Variants in OR4Q3 observed in about 807,000 individuals in gnomAD.
OR4Q3 encodes the protein olfactory receptor 4Q3.
OR4Q3 carries 17 observed loss-of-function variants against 18.8 expected under a neutral mutation model. The observed-to-expected ratio is 0.91, with a 90% confidence interval of 0.62 to 1.36. The LOEUF (loss-of-function observed/expected upper bound fraction) is 1.36, where lower values mean the gene tolerates loss of function less well. OR4Q3 is among the 40% of genes most tolerant of loss of function. The pLI is 0.00. For missense variants in OR4Q3, 378 were observed against 373.4 expected, an observed-to-expected ratio of 1.01 and a Z score of -0.10; for synonymous variants, 158 against 145.8, an observed-to-expected ratio of 1.08 and a Z score of -0.60.
In OR4Q3 at chr14:19,747,785, G is replaced by T; in HGVS notation, c.382G>T (p.Ala128Ser). The T allele has an allele frequency of 4.3e-5, 69 of 1,613,970 alleles. No homozygotes were observed. The African/African-American group carries it at 6.9e-4, about 16-fold the overall frequency. Residue 128 changes from alanine (A) to serine (S), a missense_variant, in exon 2 of 2, where the codon GCC becomes TCC. Transcript: ENST00000642117. ...TGAGATGTTTTTGCTGACAGTCATG[G>T]CCTATGACAGGTATGTTGCCATCTG...
intron 1 of OR4Q3, among the ~76,000 whole-genome samples, chr14:19,746,607 G>A: frequency 6.6e-5 from 10 of 152,124 alleles, no homozygotes; most frequent in East Asian, 1.9e-4. Flanking sequence ...CGAGTCTGAC[G>A]CTTCCCTAAA....
At chr14:19,745,763 T>C in intron 1 of OR4Q3, among the ~76,000 whole-genome samples, 1 of 152,228 alleles carries the variant, frequency 6.6e-6, no homozygotes, top group Admixed American at 6.5e-5. Flanking sequence ...ATTTTCAATA[T>C]AGCAGAGCTC....
chr14:19,748,361 C>T lies in OR4Q3; in HGVS notation c.958C>T (p.Pro320Ser). Residue 320 changes from proline to serine, a missense_variant, in exon 2 of 2, where the codon CCT becomes TCT. Transcript: ENST00000642117. ...GATAAAACCATGTGGCATTCCATTG[C>T]CTTGTTAAGGAATGAGCAGAAGAGG... The T allele has an allele frequency of 5.6e-6, 9 of 1,602,730 alleles. No individual in the cohort carries two copies. Among genetic ancestry groups the T allele is most frequent in the South Asian group, 1.1e-5 (1 of 89,890 alleles).
At chr14:19,751,493 T>G, downstream of OR4Q3, among the ~76,000 whole-genome samples, 1 of 152,080 alleles carries the variant, frequency 6.6e-6, no homozygotes, top group Admixed American at 6.6e-5. Flanking sequence ...AGAATTCAAC[T>G]GTGAATCCCT....
intron 1 of OR4Q3, among the ~76,000 whole-genome samples, chr14:19,745,494 T>A: frequency 2.6e-5 from 4 of 152,218 alleles, no homozygotes; most frequent in African/African-American, 9.6e-5. Flanking sequence ...ATTCTGAGAC[T>A]AAATTATAAC....
At chr14:19,743,753 G>T (rs1179932439) in intron 1 of OR4Q3, 82 bp downstream of exon 1, 2 of 152,094 alleles carry the variant, frequency 1.3e-5, no homozygotes, top group East Asian at 1.9e-4. Context: ...GTTTACTGTT[G>T]TCCTCACTCT....
At chr14:19,747,996 G>A in exon 2 of OR4Q3, 3 of 1,614,070 alleles carry the variant, frequency 1.9e-6, no homozygotes, top group African/African-American at 2.7e-5. Flanking sequence ...AAGCTGGCCT[G>A]CATGGACACC....
At chr14:19,744,576 A>G (rs1182795406) in intron 1 of OR4Q3, among the ~76,000 whole-genome samples, 9 of 152,166 alleles carry the variant, frequency 5.9e-5, no homozygotes, top group Non-Finnish European at 1.0e-4. Context: ...TCCAAGCAGG[A>G]CCCTTCCATG....
At chr14:19,750,185 A>G, downstream of OR4Q3, among the ~76,000 whole-genome samples, 1 of 152,064 alleles carries the variant, frequency 6.6e-6, no homozygotes, top group African/African-American at 2.4e-5. Flanking sequence ...GGGTTTCTCC[A>G]TGTTGGCCAG....
downstream of OR4Q3, among the ~76,000 whole-genome samples, chr14:19,751,885 G>C: frequency 6.6e-6 from 1 of 152,006 alleles, no homozygotes; most frequent in African/African-American, 2.4e-5. Context: ...ATTTCATTAA[G>C]TTGTTCTCTA....
chr14:19,744,109 A>C (rs1177904897), intron 1 of OR4Q3, among the ~76,000 whole-genome samples: 2 of 152,230 alleles, frequency 1.3e-5, no homozygotes, highest in African/African-American at 4.8e-5. Context: ...CAATGTTTCA[A>C]ACAAGGCCAA....
At chr14:19,750,140 A>G, downstream of OR4Q3, among the ~76,000 whole-genome samples, 11,111 of 150,830 alleles carry the variant, frequency 0.074, 344 homozygotes, top group African/African-American at 0.19. Flanking sequence ...GCTGGCCACC[A>G]TGCCTGGCTA....
exon 2 of OR4Q3, chr14:19,747,781 C>G: frequency 2.5e-6 from 4 of 1,614,028 alleles, no homozygotes; most frequent in Non-Finnish European, 3.4e-6. Flanking sequence ...TGCTGACAGT[C>G]ATGGCCTATG....
In OR4Q3 at chr14:19,747,323, T is replaced by C; in HGVS notation, c.3-83T>C. The C allele has an allele frequency of 1.0e-5, 6 of 578,974 alleles. 1 individual carries two copies. Among genetic ancestry groups the C allele is most frequent in the Admixed American group, 4.2e-5 (1 of 23,914 alleles). The allele number at this position is 578,974 out of a possible 1,614,324, so 35.9% of individuals were successfully genotyped here. A position where few individuals can be genotyped will look rare whatever the true frequency, so the allele number is the denominator to read the frequency against. On this transcript the variant is annotated intron_variant, in intron 1 of 1. Coordinates refer to ENST00000642117, the Ensembl canonical transcript of OR4Q3. ...TTGCTAAAATAATTTTTATGTAATT[T>C]ATATATTATATACTATATGTATATA...
intron 1 of OR4Q3, among the ~76,000 whole-genome samples, chr14:19,744,010 C>A (rs1488071544): frequency 6.6e-6 from 1 of 152,116 alleles, no homozygotes; most frequent in African/African-American, 2.4e-5. Context: ...TGCTATAGTC[C>A]CTTCTAGATT....
chr14:19,747,212 C>G, intron 1 of OR4Q3, among the ~76,000 whole-genome samples, 194 bp from the exon 2 acceptor site: 1 of 152,186 alleles, frequency 6.6e-6, no homozygotes, highest in Non-Finnish European at 1.5e-5. Context: ...TTTAAAAGCA[C>G]TACAGGAATA....
intron 1 of OR4Q3, among the ~76,000 whole-genome samples, chr14:19,745,185 A>T: frequency 7.2e-5 from 11 of 152,304 alleles, no homozygotes; most frequent in African/African-American, 2.4e-4. Flanking sequence ...CAGAGTAATC[A>T]CCTAGGAACT....
downstream of OR4Q3, among the ~76,000 whole-genome samples, chr14:19,749,877 T>TCTTTCTTTCTTC: frequency 3.3e-5 from 1 of 30,294 alleles, no homozygotes. Flanking sequence ...TTTCTTTCTT[T>TCTTTCTTTCTTC]CTTTCTTTCT....
chr14:19,744,609 C>G (rs1877389391), intron 1 of OR4Q3, among the ~76,000 whole-genome samples: 1 of 152,158 alleles, frequency 6.6e-6, no homozygotes, highest in African/African-American at 2.4e-5. Context: ...TTGCATTAAG[C>G]ATTCTCAATT....
Sources: allele counts gnomAD v4.1 joint callset (sites outside exome capture counted in the v4.1 genomes callset), GRCh38; gene constraint gnomAD v4.1.1; transcripts MANE v1.5; gene names NCBI Gene and HGNC (gene_info 2026-07-23, HGNC 2026-07-21).